Variants in KANSL3 observed in about 807,000 individuals in gnomAD.
KANSL3 encodes the protein NSL complex protein NSL3.
Under a neutral mutation model 89.2 loss-of-function variants are expected in KANSL3, and 16 were observed. The ratio of observed to expected loss-of-function variants is 0.18; its 90% CI spans 0.12 to 0.27. The LOEUF is 0.27. Ranked by LOEUF, KANSL3 falls within the 10% of genes least tolerant of loss-of-function variation. The pLI is 1.00. For missense variants in KANSL3, 879 were observed against 1,110.6 expected (o/e 0.79, Z 2.96); for synonymous variants, 385 against 419.7 (o/e 0.92, Z 1.01).
At chr2:96,628,367 T>C (rs1182821874) in intron 3 of KANSL3, 2 of 566,576 alleles carry the variant, frequency 3.5e-6, no homozygotes, top group African/African-American at 4.1e-5. Flanking sequence ...ATTAAGAAAC[T>C]CAGCCAAGTG....
Position 96,613,584 on chromosome 2 carries a change from G to A in KANSL3, c.699C>T (p.Ser233=). The change falls in exon 6 of 21, where the codon TCC becomes TCT. Residue 233 remains serine, a synonymous_variant. Transcript: ENST00000431828. ...PTLIDRMLVS[S]NTKTGAAGAE... is the part of the protein sequence containing the mutation. ...CTCCTGCAGCCCCAGTCTTTGTGTTGGATGACACAAGCATCCGGTCAATCA... is the reference window on the plus strand; with the variant it reads ...CTCCTGCAGCCCCAGTCTTTGTGTTAGATGACACAAGCATCCGGTCAATCA... The A allele has an allele frequency of 1.2e-6, 2 of 1,613,018 alleles. No individual in the cohort carries two copies. The highest frequency in any genetic ancestry group is 1.7e-4 in the Middle Eastern group (1 of 6,060).
chr2:96,631,277 C>G (rs1238409270), intron 3 of KANSL3, 35 bp downstream of exon 3: 1 of 1,417,638 alleles, frequency 7.1e-7, no homozygotes, highest in East Asian at 2.3e-5. Flanking sequence ...AAAATAATTA[C>G]AGGGCAGTGA....
chr2:96,622,509 T>C (rs1442055629), intron 3 of KANSL3, among the ~76,000 whole-genome samples: 1 of 152,224 alleles, frequency 6.6e-6, no homozygotes, highest in East Asian at 1.9e-4. Context: ...TCTGTTGTTG[T>C]GAGGGTACAA....
intron 3 of KANSL3, among the ~76,000 whole-genome samples, chr2:96,622,113 C>CAA (rs113914476): frequency 3.1e-5 from 4 of 130,592 alleles, no homozygotes; most frequent in Non-Finnish European, 4.9e-5. Flanking sequence ...GACTCCAGCT[C>CAA]AAAAAAAAAA....
At chr2:96,617,151 C>A (rs916171463) in intron 5 of KANSL3, among the ~76,000 whole-genome samples, 3 of 152,196 alleles carry the variant, frequency 2.0e-5, no homozygotes, top group African/African-American at 7.2e-5. Flanking sequence ...CCACCACTCA[C>A]CTCCCGGGTC....
At chr2:96,591,134 C>T (rs184505791), downstream of KANSL3, among the ~76,000 whole-genome samples, 14 of 152,284 alleles carry the variant, frequency 9.2e-5, no homozygotes, top group East Asian at 2.7e-3. Context: ...CTGTGCTAAA[C>T]CCATACCATG....
intron 3 of KANSL3, among the ~76,000 whole-genome samples, chr2:96,623,810 G>A (rs2071773147): frequency 6.6e-6 from 1 of 152,224 alleles, no homozygotes; most frequent in Non-Finnish European, 1.5e-5. Flanking sequence ...ACTGACAGCA[G>A]CAAAAGTTGA....
intron 5 of KANSL3, chr2:96,615,128 A>C (rs1394864249): frequency 7.3e-6 from 1 of 137,572 alleles, no homozygotes; most frequent in Non-Finnish European, 1.5e-5. Flanking sequence ...AGAGTGTGCC[A>C]CCGCACTCCA....
chr2:96,609,607 C>T (rs367875592), intron 11 of KANSL3, 45 bp from the exon 12 acceptor site: 12 of 1,474,056 alleles, frequency 8.1e-6, no homozygotes, highest in African/African-American at 6.9e-5. Context: ...ACACATTGCA[C>T]GGCATCCTAT....
At chr2:96,606,989 G>A in intron 14 of KANSL3, 5 of 1,289,328 alleles carry the variant, frequency 3.9e-6, no homozygotes, top group African/African-American at 1.5e-5. Context: ...AGGAGGAGGT[G>A]CCAGGAGGAA....
Position 96,608,899 on chromosome 2 carries a change from C to A in KANSL3, c.1549G>T (p.Ala517Ser), listed in dbSNP as rs536572106. ...GAGGGTGAGGCGGGCAGCTTGGCAG[C>A]TGGGGAGGCAGGTCGACTGCCCCGC... ...PERGSRPASPAAKLPASPSGS... is the reference protein window; with the variant it reads ...PERGSRPASPSAKLPASPSGS... The change falls in exon 13 of 21, where the codon GCT becomes TCT. Residue 517 changes from alanine to serine, a missense_variant. By Grantham distance (99) the Ala-to-Ser change is moderately conservative (BLOSUM62 1). Around this residue, in one of 6 missense-constraint regions of KANSL3, gnomAD observed 317 missense variants for 311.2 expected, o/e 1.02. Transcript: ENST00000431828. 1.3e-5 allele frequency: 20 copies of A among 1,578,232 alleles called. No homozygotes were observed. In the East Asian group the frequency reaches 2.1e-4, roughly 17 times the overall value.
chr2:96,585,253 C>T, the KANSL3 span, among the ~76,000 whole-genome samples: 2 of 152,114 alleles, frequency 1.3e-5, no homozygotes, highest in Non-Finnish European at 2.9e-5. Context: ...GGACTAATAA[C>T]CAGAATCTAC....
chr2:96,635,196 C>G (rs1334549022), intron 2 of KANSL3, among the ~76,000 whole-genome samples: 1 of 152,188 alleles, frequency 6.6e-6, no homozygotes, highest in Non-Finnish European at 1.5e-5. Context: ...TAAATTGAAT[C>G]TCTAGTTTAA....
intron 18 of KANSL3, 104 bp from the exon 19 acceptor site, chr2:96,602,442 G>T: frequency 1.2e-6 from 1 of 814,418 alleles, no homozygotes; most frequent in Non-Finnish European, 2.0e-6. Flanking sequence ...TGTATTGAGT[G>T]CCTACTACAT....
intron 3 of KANSL3, among the ~76,000 whole-genome samples, chr2:96,629,521 C>T (rs1349556090): frequency 6.6e-6 from 1 of 152,200 alleles, no homozygotes; most frequent in East Asian, 1.9e-4. Context: ...AGAGTTTCTC[C>T]ATGTTGGTCA....
chr2:96,635,326 C>T (rs1310804429), intron 2 of KANSL3, among the ~76,000 whole-genome samples: 1 of 152,142 alleles, frequency 6.6e-6, no homozygotes, highest in Non-Finnish European at 1.5e-5. Flanking sequence ...CCACACTGGC[C>T]TAAAAGAGTT....
intron 1 of KANSL3, chr2:96,637,889 C>T (rs1290006869): frequency 1.3e-5 from 2 of 152,372 alleles, no homozygotes; most frequent in Non-Finnish European, 2.9e-5. Context: ...GGCTGCCCCG[C>T]AGGCGTTCCC....
intron 17 of KANSL3, chr2:96,603,933 A>G (rs1030273640): frequency 5.0e-6 from 1 of 200,034 alleles, no homozygotes; most frequent in Non-Finnish European, 1.0e-5. Flanking sequence ...CCTAGAACCA[A>G]TCTCCTGTGG....
downstream of KANSL3, among the ~76,000 whole-genome samples, chr2:96,590,249 T>C (rs1223117086): frequency 2.6e-5 from 4 of 151,766 alleles, no homozygotes; most frequent in Non-Finnish European, 5.9e-5. Context: ...ACACTGCTGA[T>C]AGGAATGTAA....
Sources: allele counts gnomAD v4.1 joint callset (sites outside exome capture counted in the v4.1 genomes callset), GRCh38; gene constraint gnomAD v4.1.1; regional missense constraint gnomAD v4.1.1; transcripts MANE v1.5; gene names NCBI Gene and HGNC (gene_info 2026-07-23, HGNC 2026-07-21).